TRPC4: variants seen among roughly 807,000 people sequenced by gnomAD.
The protein encoded by TRPC4 is transient receptor potential cation channel subfamily C member 4.
In TRPC4, 49 loss-of-function variants were observed where a neutral mutation model predicts 99.4. That is an observed-to-expected ratio of 0.49 (90% CI 0.39 to 0.63). The LOEUF is 0.63. TRPC4 is among the 20% of genes least tolerant of loss of function. The pLI is 0.00. For missense variants in TRPC4, 898 were observed against 1,152.9 expected (o/e 0.78, Z 3.20); for synonymous variants, 454 against 425.9 (o/e 1.07, Z -0.81).
chr13:37,716,400 C>T (rs529190467), intron 3 of TRPC4, among the ~76,000 whole-genome samples: 1 of 152,304 alleles, frequency 6.6e-6, no homozygotes, highest in East Asian at 1.9e-4. Flanking sequence ...CTTGAATTTG[C>T]ACTTCTATTT....
At chr13:37,808,390 G>A (rs1044557038) in intron 1 of TRPC4, among the ~76,000 whole-genome samples, 29 of 152,012 alleles carry the variant, frequency 1.9e-4, no homozygotes, top group Non-Finnish European at 3.4e-4. Context: ...GGTATCCCAC[G>A]TTAATGATTA....
At chr13:37,748,475 A>AT (rs1195916809) in intron 2 of TRPC4, among the ~76,000 whole-genome samples, 19 of 151,210 alleles carry the variant, frequency 1.3e-4, no homozygotes, top group Admixed American at 2.0e-4. Context: ...AATGGCATAC[A>AT]TTTTTTTTCA....
chr13:37,773,420 A>C (rs1956609916), intron 2 of TRPC4, among the ~76,000 whole-genome samples: 1 of 151,852 alleles, frequency 6.6e-6, no homozygotes, highest in South Asian at 2.1e-4. Flanking sequence ...CATTTTCTGT[A>C]TTCCCCACTC....
At chr13:37,847,213 T>C (rs1292898582) in intron 1 of TRPC4, among the ~76,000 whole-genome samples, 1 of 152,080 alleles carries the variant, frequency 6.6e-6, no homozygotes, top group African/African-American at 2.4e-5. Context: ...ATCTACAATA[T>C]TCTACTCAAC....
At position 37,637,290 on chromosome 13, in the gene TRPC4, A is replaced by G. The variant is rs760712461; in HGVS notation, c.2547T>C (p.His849=). Residue 849 remains histidine, a synonymous_variant, in exon 11 of 11, where the codon CAT becomes CAC. Coordinates refer to ENST00000379705, the MANE Select transcript of TRPC4 (RefSeq NM_016179.4). ...CAGCAGCATTTTGTTTTGATCGTCT[A>G]TGAAATAACCCAAAGTTTTTGATAT... is the stretch of plus-strand genomic sequence containing the variant. ...VTDIKNFGLF[H]RRSKQNAAEQ... is the part of the protein sequence containing the mutation. The G allele has an allele frequency of 1.2e-5, 20 of 1,613,806 alleles. No homozygotes were observed. Among genetic ancestry groups the G allele is most frequent in the East Asian group, 6.7e-5 (3 of 44,892 alleles).
intron 2 of TRPC4, among the ~76,000 whole-genome samples, chr13:37,782,089 T>C (rs9548048): frequency 0.52 from 79,101 of 151,932 alleles, 21,136 homozygotes; most frequent in East Asian, 0.78. Context: ...GTCTTTGCAG[T>C]TAGTCAATTA....
chr13:37,717,042 GA>G (rs1954700156), intron 3 of TRPC4, among the ~76,000 whole-genome samples: 1 of 152,026 alleles, frequency 6.6e-6, no homozygotes, highest in Non-Finnish European at 1.5e-5. Context: ...CAAGTAGGTG[GA>G]AAACAAAAAC....
rs376835377 is a variant in TRPC4, at chr13:37,783,292, A to G, written c.42T>C (p.Tyr14=). The G allele has an allele frequency of 2.5e-6, 4 of 1,598,988 alleles. No homozygotes were observed. Among genetic ancestry groups the G allele is most frequent in the East Asian group, 4.5e-5 (2 of 44,734 alleles). The part of the protein sequence containing the change: ...FYYKRNVNAP[Y]RDRIPLRIVR... ...CTATCCTTAGAGGGATGCGGTCTCTATAGGGAGCATTAACATTTCTTTTGT... is the reference window on the plus strand; with the variant it reads ...CTATCCTTAGAGGGATGCGGTCTCTGTAGGGAGCATTAACATTTCTTTTGT... The change falls in exon 2 of 11, where the codon TAT becomes TAC. Residue 14 remains tyrosine, a synonymous_variant. Transcript: ENST00000379705.
intron 3 of TRPC4, among the ~76,000 whole-genome samples, chr13:37,723,893 T>G (rs1448224204): frequency 6.6e-6 from 1 of 152,028 alleles, no homozygotes; most frequent in Non-Finnish European, 1.5e-5. Context: ...AACTATAAAA[T>G]TTTATAAAAC....
rs80273448 is a variant in TRPC4 at position 37,773,503 on chromosome 13, A to G, written c.378+9453T>C. 1.1e-3 allele frequency among the ~76,000 whole-genome samples: 169 copies of G among 151,946 alleles called. No individual in the cohort carries two copies. In the East Asian group the frequency reaches 0.014, roughly 13 times the overall value. On this transcript the variant is annotated intron_variant, in intron 2 of 10. Coordinates refer to ENST00000379705, the MANE Select transcript of TRPC4 (RefSeq NM_016179.4). ...GTGACTGCTTAAACAAGTGTTCAAC[A>G]AAGATTCGAAGGCTGCTACTAGGGT...
chr13:37,710,797 C>A (rs1954458277), intron 3 of TRPC4, among the ~76,000 whole-genome samples: 1 of 151,620 alleles, frequency 6.6e-6, no homozygotes. Context: ...TGGATTTTAT[C>A]AGTTACAGAT....
At chr13:37,782,891 AGAAAAG>A in intron 2 of TRPC4, 59 bp downstream of exon 2, 3 of 1,341,720 alleles carry the variant, frequency 2.2e-6, no homozygotes, top group Non-Finnish European at 2.9e-6. Context: ...AAAAAAAGAA[AGAAAAG>A]AAAAAACAAA....
chr13:37,845,953 G>T (rs550051281), intron 1 of TRPC4, among the ~76,000 whole-genome samples: 27 of 152,220 alleles, frequency 1.8e-4, no homozygotes, highest in Admixed American at 3.3e-4. Flanking sequence ...TTCAGTGGAG[G>T]CACAATATGG....
At chr13:37,771,366 G>A (rs1461748020) in intron 2 of TRPC4, among the ~76,000 whole-genome samples, 1 of 151,732 alleles carries the variant, frequency 6.6e-6, no homozygotes, top group Non-Finnish European at 1.5e-5. Flanking sequence ...CTCTGCTATA[G>A]CAAAATTGAA....
intron 2 of TRPC4, among the ~76,000 whole-genome samples, chr13:37,765,212 G>T (rs1956331811): frequency 6.6e-6 from 1 of 151,336 alleles, no homozygotes; most frequent in African/African-American, 2.4e-5. Context: ...ATCTATCAGT[G>T]TCTTTTCCCC....
chr13:37,727,934 T>TA (rs1401262928), intron 3 of TRPC4, among the ~76,000 whole-genome samples: 1 of 152,052 alleles, frequency 6.6e-6, no homozygotes. Context: ...TGAATGAATT[T>TA]AAAAAATCAT....
chr13:37,633,739 T>C lies in TRPC4; in HGVS notation c.*3164A>G, dbSNP rs542502211. 1.3e-5 allele frequency among the ~76,000 whole-genome samples: 2 copies of C among 152,272 alleles called. No homozygotes were observed. Among genetic ancestry groups the C allele is most frequent in the African/African-American group, 4.8e-5 (2 of 41,582 alleles). ...CATCCAGTAAATAGAGTAACTAATT[T>C]AAGAAAATTTGATATACAAATATTC... On this transcript the variant is annotated 3_prime_UTR_variant, in exon 11 of 11. Coordinates refer to ENST00000379705, the MANE Select transcript of TRPC4 (RefSeq NM_016179.4).
At chr13:37,658,569 C>G (rs1593451254) in intron 6 of TRPC4, among the ~76,000 whole-genome samples, 1 of 152,236 alleles carries the variant, frequency 6.6e-6, no homozygotes, top group East Asian at 1.9e-4. Flanking sequence ...ATGACTCCAA[C>G]TGGCCAGTTA....
At chr13:37,660,341 A>G (rs911139689) in intron 6 of TRPC4, among the ~76,000 whole-genome samples, 1 of 152,220 alleles carries the variant, frequency 6.6e-6, no homozygotes, top group Admixed American at 6.5e-5. Flanking sequence ...AAATGTGAGC[A>G]GATAAATATC....
Sources: gnomAD v4.1 joint callset for allele counts (sites outside exome capture counted in the v4.1 genomes callset) on GRCh38, gnomAD v4.1.1 for gene constraint, MANE v1.5 for transcripts, NCBI Gene and HGNC (gene_info 2026-07-23, HGNC 2026-07-21) for gene names.